The following FHIT variants were observed in gnomAD, a reference collection of about 807,000 sequenced individuals.
FHIT encodes bis(5'-adenosyl)-triphosphatase.
FHIT carries 19 observed loss-of-function variants against 17.9 expected under a neutral mutation model. The ratio of observed to expected loss-of-function variants is 1.06; its 90% CI spans 0.74 to 1.56. FHIT has a LOEUF of 1.56. Among genes scored for constraint, FHIT ranks in the 40% most tolerant of loss-of-function variants. FHIT has a pLI of 0.00. For synonymous variants in FHIT, 81 were observed against 69.7 expected, an observed-to-expected ratio of 1.16 and a Z score of -0.81; for missense variants, 248 against 189.2, an observed-to-expected ratio of 1.31 and a Z score of -1.82.
At chr3:60,867,346 T>A (rs1028906595) in intron 3 of FHIT, among the ~76,000 whole-genome samples, 2 of 152,196 alleles carry the variant, frequency 1.3e-5, no homozygotes, top group Non-Finnish European at 2.9e-5. Context: ...GATGCAAATA[T>A]GTATTCATAT....
At chr3:60,146,644 T>C (rs1318011577) in intron 5 of FHIT, among the ~76,000 whole-genome samples, 1 of 152,152 alleles carries the variant, frequency 6.6e-6, no homozygotes, top group Non-Finnish European at 1.5e-5. Flanking sequence ...TCAAACCATT[T>C]GGATGAGGCA....
intron 5 of FHIT, among the ~76,000 whole-genome samples, chr3:60,036,843 T>C (rs1272359893): frequency 6.6e-6 from 1 of 152,212 alleles, no homozygotes; most frequent in Non-Finnish European, 1.5e-5. Flanking sequence ...CTGAGACTTA[T>C]TTTCTGCAAT....
At chr3:60,785,142 G>A (rs2108105079) in intron 4 of FHIT, among the ~76,000 whole-genome samples, 1 of 152,298 alleles carries the variant, frequency 6.6e-6, no homozygotes, top group Non-Finnish European at 1.5e-5. Flanking sequence ...TCACAGAGCA[G>A]ATAACTAAAG....
chr3:61,014,345 G>A lies in FHIT; in HGVS notation c.-111+27702C>T, dbSNP rs181860489. Among the ~76,000 whole-genome samples the A allele has an allele frequency of 1.1e-4, 16 of 152,238 alleles. No homozygotes were observed. In the East Asian group the frequency reaches 3.1e-3, roughly 29 times the overall value. ...TATTTGCTCCTTGCTGCCTAGAACA[G>A]TATGAGGTATATATGCCTGGGGTGT... On this transcript the variant is annotated intron_variant, in intron 3 of 9. Coordinates refer to ENST00000492590, the MANE Select transcript of FHIT (RefSeq NM_002012.4).
chr3:60,414,018 T>C (rs916739807), intron 5 of FHIT, among the ~76,000 whole-genome samples: 6 of 152,140 alleles, frequency 3.9e-5, no homozygotes, highest in Admixed American at 3.9e-4. Flanking sequence ...CAAATTGTGA[T>C]AGAATATGAA....
chr3:60,438,113 CA>C (rs2107318826), intron 5 of FHIT, among the ~76,000 whole-genome samples: 1 of 152,098 alleles, frequency 6.6e-6, no homozygotes, highest in Admixed American at 6.6e-5. Context: ...ACCGTACAGT[CA>C]AAACAATAAG....
chr3:60,162,519 T>C (rs1347989165), intron 5 of FHIT, among the ~76,000 whole-genome samples: 3 of 152,218 alleles, frequency 2.0e-5, no homozygotes, highest in African/African-American at 4.8e-5. Context: ...CATGGGATCA[T>C]AGTAGTGGGG....
intron 5 of FHIT, among the ~76,000 whole-genome samples, chr3:60,212,463 G>A (rs997691040): frequency 1.4e-4 from 21 of 152,132 alleles, no homozygotes; most frequent in African/African-American, 4.8e-4. Context: ...CTGTAATAGA[G>A]CTTCAGATAG....
chr3:60,613,288 A>T (rs558711166), intron 4 of FHIT, among the ~76,000 whole-genome samples: 31 of 152,300 alleles, frequency 2.0e-4, no homozygotes, highest in African/African-American at 7.2e-4. Context: ...GTCTGGGAAC[A>T]TGGAGTGAAA....
chr3:60,930,059 C>T (rs1380415932), intron 3 of FHIT, among the ~76,000 whole-genome samples: 2 of 152,054 alleles, frequency 1.3e-5, no homozygotes, highest in African/African-American at 2.4e-5. Context: ...GAAATAATGC[C>T]GCATATCTAC....
chr3:61,085,370 T>A (rs967681625), intron 2 of FHIT, among the ~76,000 whole-genome samples: 2 of 152,168 alleles, frequency 1.3e-5, no homozygotes, highest in Non-Finnish European at 2.9e-5. Flanking sequence ...ATGTGGTATA[T>A]AATAATATTT....
At chr3:59,947,736 C>G (rs1267835287) in intron 7 of FHIT, among the ~76,000 whole-genome samples, 4 of 152,144 alleles carry the variant, frequency 2.6e-5, no homozygotes, top group Non-Finnish European at 4.4e-5. Flanking sequence ...TGTTCCCCAT[C>G]TTCTGGAAAC....
intron 8 of FHIT, among the ~76,000 whole-genome samples, chr3:59,776,522 G>C (rs1267246808): frequency 6.6e-6 from 1 of 152,218 alleles, no homozygotes; most frequent in Non-Finnish European, 1.5e-5. Flanking sequence ...CAGTGAGACA[G>C]TGATGGGCCA....
chr3:59,833,775 G>GA (rs1468742108), intron 8 of FHIT, among the ~76,000 whole-genome samples: 1 of 152,148 alleles, frequency 6.6e-6, no homozygotes, highest in Non-Finnish European at 1.5e-5. Flanking sequence ...CATGTTGAGG[G>GA]AGAGACCTGG....
chr3:60,571,645 A>C (rs2037389131), intron 4 of FHIT, among the ~76,000 whole-genome samples: 1 of 152,094 alleles, frequency 6.6e-6, no homozygotes, highest in African/African-American at 2.4e-5. Context: ...GGTGCAAATA[A>C]AGGCAGGCTT....
At chr3:61,011,802 C>T (rs2031805589) in intron 3 of FHIT, among the ~76,000 whole-genome samples, 1 of 152,100 alleles carries the variant, frequency 6.6e-6, no homozygotes, top group Non-Finnish European at 1.5e-5. Flanking sequence ...GTAAAAAATA[C>T]AATGGCGATG....
At chr3:60,406,993 T>C (rs1487333023) in intron 5 of FHIT, among the ~76,000 whole-genome samples, 1 of 152,044 alleles carries the variant, frequency 6.6e-6, no homozygotes, top group African/African-American at 2.4e-5. Context: ...TCTACTCTGC[T>C]TTCTGTCAAT....
chr3:60,123,733 C>A (rs898555886), intron 5 of FHIT, among the ~76,000 whole-genome samples: 3 of 151,500 alleles, frequency 2.0e-5, no homozygotes, highest in South Asian at 4.2e-4. Context: ...CATGAGAGAA[C>A]GCCAGTGCCC....
chr3:60,083,922 T>C (rs900647719), intron 5 of FHIT, among the ~76,000 whole-genome samples: 29 of 152,346 alleles, frequency 1.9e-4, no homozygotes, highest in African/African-American at 6.7e-4. Context: ...TGCTCTGCTA[T>C]AGTGCTATTA....
Sources: allele counts gnomAD v4.1 joint callset (sites outside exome capture counted in the v4.1 genomes callset), GRCh38; gene constraint gnomAD v4.1.1; transcripts MANE v1.5; gene names NCBI Gene and HGNC (gene_info 2026-07-23, HGNC 2026-07-21).